Variants in ATP8B4 observed in about 807,000 individuals in gnomAD.
ATP8B4 encodes the protein probable phospholipid-transporting ATPase IM.
A neutral mutation model predicts 145.6 loss-of-function variants in ATP8B4; 133 were observed. The observed-to-expected ratio is 0.91, with a 90% confidence interval of 0.79 to 1.05. The LOEUF (loss-of-function observed/expected upper bound fraction) is 1.05. Among genes scored for constraint, ATP8B4 ranks in the 50% least tolerant of loss-of-function variants. The pLI, the probability that ATP8B4 is intolerant of heterozygous loss-of-function variation, is 0.00. For missense variants in ATP8B4, 1,458 were observed against 1,425.2 expected (o/e 1.02, Z -0.37); for synonymous variants, 507 against 492.9 (o/e 1.03, Z -0.38).
chr15:49,871,528 G>A (rs148536167), intron 25 of ATP8B4, among the ~76,000 whole-genome samples: 105 of 152,320 alleles, frequency 6.9e-4, no homozygotes, highest in African/African-American at 2.1e-3. Context: ...CACTCATGGT[G>A]GTGATGATGA....
chr15:50,120,950 C>A (rs2057263587), upstream of ATP8B4, among the ~76,000 whole-genome samples: 1 of 152,030 alleles, frequency 6.6e-6, no homozygotes, highest in South Asian at 2.1e-4. Context: ...AGGATTGTTG[C>A]AACTAAAACA....
rs765486202 is a variant in ATP8B4, at chr15:49,979,831, T to A, written c.838-18A>T. The A allele has an allele frequency of 6.5e-7, 1 of 1,533,452 alleles. No homozygotes were observed. The highest frequency in any genetic ancestry group is 1.2e-5 in the South Asian group (1 of 83,422). 95.0% of individuals were successfully genotyped at this position (1,533,452 alleles called of 1,614,324 possible). On this transcript the variant is annotated intron_variant, in intron 11 of 27. Transcript: ENST00000284509. ...CCAAAAATCTGAAATAAGATAGAAG[T>A]GTGGTTAAGGTTAACTTGAACTCAA... is the stretch of plus-strand genomic sequence containing the variant.
intron 25 of ATP8B4, among the ~76,000 whole-genome samples, chr15:49,871,590 G>T (rs1346508948): frequency 1.3e-5 from 2 of 152,166 alleles, no homozygotes; most frequent in Admixed American, 6.5e-5. Context: ...GGTCATCTAG[G>T]TTAAGACAGA....
At chr15:50,099,256 A>C (rs2153662022) in intron 2 of ATP8B4, among the ~76,000 whole-genome samples, 1 of 152,284 alleles carries the variant, frequency 6.6e-6, no homozygotes, top group Non-Finnish European at 1.5e-5. Flanking sequence ...TGATTGCGGA[A>C]AAGCATGTGT....
intron 6 of ATP8B4, among the ~76,000 whole-genome samples, chr15:50,017,327 GA>G (rs2049167753): frequency 6.6e-6 from 1 of 152,126 alleles, no homozygotes; most frequent in Non-Finnish European, 1.5e-5. Flanking sequence ...CACTGTTTCT[GA>G]AATCTTTCTT....
intron 2 of ATP8B4, among the ~76,000 whole-genome samples, chr15:50,097,379 C>T (rs918094099): frequency 1.3e-5 from 2 of 152,104 alleles, no homozygotes; most frequent in African/African-American, 4.8e-5. Context: ...AGACTTTATT[C>T]CCCAACTGCA....
intron 2 of ATP8B4, among the ~76,000 whole-genome samples, chr15:50,091,837 C>T (rs2055630156): frequency 6.6e-6 from 1 of 152,090 alleles, no homozygotes; most frequent in Non-Finnish European, 1.5e-5. Context: ...CTTGTGACTT[C>T]AGCTTCCTAT....
intron 1 of ATP8B4, among the ~76,000 whole-genome samples, chr15:50,168,006 C>T (rs189729278): frequency 4.0e-5 from 6 of 151,738 alleles, no homozygotes; most frequent in African/African-American, 1.5e-4. Context: ...GCACTCAATT[C>T]CATAGGAATA....
chr15:50,014,197 T>C (rs28595079), intron 6 of ATP8B4, among the ~76,000 whole-genome samples: 1,550 of 152,224 alleles, frequency 0.01, 33 homozygotes, highest in African/African-American at 0.036. Context: ...GAGTAGATAA[T>C]AAAGGTCAAT....
intron 15 of ATP8B4, among the ~76,000 whole-genome samples, chr15:49,932,054 T>C (rs1171907279): frequency 6.6e-6 from 1 of 151,424 alleles, no homozygotes; most frequent in East Asian, 1.9e-4. Context: ...AATTATATTA[T>C]ATTTATATGT....
intron 10 of ATP8B4, among the ~76,000 whole-genome samples, chr15:49,986,071 C>T (rs1434659822): frequency 6.6e-6 from 1 of 152,170 alleles, no homozygotes; most frequent in East Asian, 1.9e-4. Context: ...AACCAACTTC[C>T]TTGTTTTTCA....
chr15:50,172,191 G>C (rs372983053), intron 1 of ATP8B4, among the ~76,000 whole-genome samples: 5 of 152,142 alleles, frequency 3.3e-5, no homozygotes, highest in African/African-American at 4.8e-5. Flanking sequence ...CTCTGATGCC[G>C]AGCGGAGGCT....
chr15:50,133,727 T>G (rs925397655), intron 1 of ATP8B4, among the ~76,000 whole-genome samples: 2 of 152,138 alleles, frequency 1.3e-5, no homozygotes, highest in African/African-American at 4.8e-5. Flanking sequence ...CTTTCAGTCA[T>G]AAGATGAATA....
intron 6 of ATP8B4, among the ~76,000 whole-genome samples, chr15:50,036,327 A>G (rs1215030680): frequency 6.6e-6 from 1 of 152,150 alleles, no homozygotes; most frequent in East Asian, 1.9e-4. Flanking sequence ...TGTTTGTCCA[A>G]CCTGAGGCAG....
At chr15:49,900,072 C>A (rs995616454) in intron 21 of ATP8B4, among the ~76,000 whole-genome samples, 1 of 152,132 alleles carries the variant, frequency 6.6e-6, no homozygotes. Flanking sequence ...TGGGGGCCAC[C>A]AGCTTTAAGA....
upstream of ATP8B4, among the ~76,000 whole-genome samples, chr15:50,122,810 C>T (rs1370957578): frequency 6.6e-6 from 1 of 152,178 alleles, no homozygotes; most frequent in East Asian, 1.9e-4. Context: ...AACCTACTCA[C>T]TAAAGAATGA....
intron 2 of ATP8B4, among the ~76,000 whole-genome samples, chr15:50,103,542 A>C (rs2056497310): frequency 1.3e-5 from 2 of 152,158 alleles, no homozygotes; most frequent in African/African-American, 4.8e-5. Flanking sequence ...GAGGTGAAAG[A>C]CCTCTACAAG....
intron 7 of ATP8B4, among the ~76,000 whole-genome samples, chr15:50,002,594 G>GTGTC (rs1263226971): frequency 6.6e-6 from 1 of 151,870 alleles, no homozygotes; most frequent in Non-Finnish European, 1.5e-5. Context: ...TAATTACCTA[G>GTGTC]TGTCATCAGT....
upstream of ATP8B4, among the ~76,000 whole-genome samples, chr15:50,119,948 A>G (rs1427926444): frequency 6.6e-6 from 1 of 151,638 alleles, no homozygotes; most frequent in African/African-American, 2.4e-5. Context: ...ATGGATTTAC[A>G]TCTTTTAGTT....
Sources: gnomAD v4.1 joint callset for allele counts (sites outside exome capture counted in the v4.1 genomes callset) on GRCh38, gnomAD v4.1.1 for gene constraint, MANE v1.5 for transcripts, NCBI Gene and HGNC (gene_info 2026-07-23, HGNC 2026-07-21) for gene names.